The following PPFIBP2 variants were observed in gnomAD, a reference collection of about 807,000 sequenced individuals.
The protein encoded by PPFIBP2 is PPFIB scaffold protein 2.
A neutral mutation model predicts 118.3 loss-of-function variants in PPFIBP2; 118 were observed. The ratio of observed to expected loss-of-function variants is 1.00; its 90% CI spans 0.86 to 1.16. The LOEUF is 1.16. Ranked by LOEUF, PPFIBP2 falls within the 50% of genes most tolerant of loss-of-function variation. The probability of loss-of-function intolerance (pLI) is 0.00; values close to 1 mark genes in which losing one functional copy is unlikely to be tolerated. For missense variants in PPFIBP2, 1,195 were observed against 1,073.1 expected (o/e 1.11, Z -1.59); for synonymous variants, 414 against 397.4 (o/e 1.04, Z -0.50).
In PPFIBP2 at chr11:7,641,536, C is replaced by G; in HGVS notation, c.1433C>G (p.Ser478Ter). ...GTGGTCAATGACCTCTCATCCACATCATCGGGCACTGAATCAGGTCCTCAG... is the reference window on the plus strand; with the variant it reads ...GTGGTCAATGACCTCTCATCCACATGATCGGGCACTGAATCAGGTCCTCAG... Reference protein sequence around the residue: ...TAVVNDLSSTSSGTESGPQSP... With the variant: ...TAVVNDLSST The change falls in exon 16 of 24, where the codon TCA becomes TGA. Residue 478 changes from serine to a stop codon, truncating the protein, a stop_gained. Coordinates refer to ENST00000299492, the MANE Select transcript of PPFIBP2 (RefSeq NM_003621.5). LOFTEE classifies it high-confidence loss of function. 1 of 1,613,640 alleles carries G rather than the reference C, an allele frequency of 6.2e-7. No homozygotes were observed. The highest frequency in any genetic ancestry group is 8.5e-7 in the Non-Finnish European group (1 of 1,179,496).
At chr11:7,543,939 G>A (rs1852033619) in intron 1 of PPFIBP2, among the ~76,000 whole-genome samples, 1 of 152,192 alleles carries the variant, frequency 6.6e-6, no homozygotes. Flanking sequence ...GCTGTGGCAT[G>A]TCATCATACC....
Position 7,651,452 on chromosome 11 carries a change from T to G in PPFIBP2, c.2248-204T>G, listed in dbSNP as rs1590818819. On this transcript the variant is annotated intron_variant, in intron 22 of 23. Transcript: ENST00000299492. ...TCTCTGCTGGTCTGTGAAAACAAGG[T>G]GGTCAGTCAGCACATGTGCTAGTAT... 3 of 498,534 alleles carry G rather than the reference T, an allele frequency of 6.0e-6. No homozygotes were observed. In the East Asian group the frequency reaches 9.1e-5, roughly 15 times the overall value. 30.9% of individuals were successfully genotyped at this position (498,534 alleles called of 1,614,324 possible).
At chr11:7,524,941 C>A (rs1850092979) in intron 1 of PPFIBP2, among the ~76,000 whole-genome samples, 1 of 152,218 alleles carries the variant, frequency 6.6e-6, no homozygotes, top group Non-Finnish European at 1.5e-5. Flanking sequence ...GCCAAGACAT[C>A]TGGTTCTTGG....
chr11:7,554,102 A>G (rs76360610), intron 2 of PPFIBP2, among the ~76,000 whole-genome samples: 1,931 of 152,224 alleles, frequency 0.013, 65 homozygotes, highest in African/African-American at 0.044. Flanking sequence ...TCCTCTCTTT[A>G]TTTATGTTCT....
rs1216117324 is a variant in PPFIBP2 at position 7,549,496 on chromosome 11, T to C, written c.21T>C (p.His7=). 6.4e-7 allele frequency: 1 copy of C among 1,562,982 alleles called. No individual in the cohort carries two copies. The highest frequency in any genetic ancestry group is 1.4e-5 in the African/African-American group (1 of 73,398). ...GAGTCATGGCTTCTGATGCTAGTCATGCGCTGGAAGCTGCCCTGGAGCAAA... is the reference window on the plus strand; with the variant it reads ...GAGTCATGGCTTCTGATGCTAGTCACGCGCTGGAAGCTGCCCTGGAGCAAA... The part of the protein sequence containing the change: MASDAS[H]ALEAALEQMD... The change falls in exon 2 of 24, where the codon CAT becomes CAC. Residue 7 remains histidine, a synonymous_variant. Transcript: ENST00000299492.
chr11:7,571,223 CAAAG>C (rs1385058809), intron 3 of PPFIBP2, among the ~76,000 whole-genome samples: 11 of 152,164 alleles, frequency 7.2e-5, no homozygotes, highest in Admixed American at 2.6e-4. Flanking sequence ...TCCCAAGAAA[CAAAG>C]AAACCCAGAC....
chr11:7,624,872 C>T (rs902572090), intron 7 of PPFIBP2, among the ~76,000 whole-genome samples: 1 of 152,206 alleles, frequency 6.6e-6, no homozygotes, highest in South Asian at 2.1e-4. Flanking sequence ...GAAAGGTTAA[C>T]TTACTTGCTC....
chr11:7,631,041 C>T lies in PPFIBP2; in HGVS notation c.1068+13C>T. 1 of 1,600,782 alleles carries T rather than the reference C, an allele frequency of 6.2e-7. No homozygotes were observed. Among genetic ancestry groups the T allele is most frequent in the Non-Finnish European group, 8.6e-7 (1 of 1,167,940 alleles). On this transcript the variant is annotated intron_variant, in intron 11 of 23. Coordinates refer to ENST00000299492, the MANE Select transcript of PPFIBP2 (RefSeq NM_003621.5). Reference sequence around the variant, plus strand: ...ATTTAAACAAGAGGTACTGTGTTTCCATCCATGACGTAGGGTTTCAGCAGG... The same window carrying T: ...ATTTAAACAAGAGGTACTGTGTTTCTATCCATGACGTAGGGTTTCAGCAGG...
At chr11:7,634,652 G>A (rs1462095780) in intron 13 of PPFIBP2, 100 bp downstream of exon 13, 2 of 897,768 alleles carry the variant, frequency 2.2e-6, no homozygotes, top group African/African-American at 1.7e-5. Flanking sequence ...ACCTTGTAGA[G>A]GATTTTATAA....
chr11:7,656,085 C>G (rs1374983951), downstream of PPFIBP2, among the ~76,000 whole-genome samples: 1 of 152,210 alleles, frequency 6.6e-6, no homozygotes. Flanking sequence ...GGATGTCATT[C>G]TCTCCTGAGC....
intron 1 of PPFIBP2, among the ~76,000 whole-genome samples, chr11:7,540,490 G>A (rs1851666798): frequency 6.6e-6 from 1 of 152,156 alleles, no homozygotes; most frequent in African/African-American, 2.4e-5. Flanking sequence ...GGAAGCATTT[G>A]GGTCCCACCC....
At chr11:7,543,386 G>T (rs138720418) in intron 1 of PPFIBP2, among the ~76,000 whole-genome samples, 4 of 152,352 alleles carry the variant, frequency 2.6e-5, no homozygotes, top group African/African-American at 9.6e-5. Flanking sequence ...TAGGAAAGGA[G>T]TTAGGTTCTG....
chr11:7,628,591 G>C (rs1453474356), intron 9 of PPFIBP2, among the ~76,000 whole-genome samples: 1 of 152,176 alleles, frequency 6.6e-6, no homozygotes, highest in Non-Finnish European at 1.5e-5. Context: ...GCCTGTTCCT[G>C]CTGGTGTGGG....
intron 15 of PPFIBP2, 97 bp from the exon 16 acceptor site, chr11:7,641,382 C>G: frequency 7.3e-7 from 1 of 1,376,340 alleles, no homozygotes; most frequent in South Asian, 1.3e-5. Flanking sequence ...GGCAGATTCT[C>G]TGGACTCCCA....
chr11:7,595,246 G>A (rs905259406), intron 4 of PPFIBP2, among the ~76,000 whole-genome samples: 3 of 152,196 alleles, frequency 2.0e-5, no homozygotes, highest in Non-Finnish European at 2.9e-5. Context: ...AAGGTAGCAA[G>A]GGCCAGATTG....
At chr11:7,553,992 G>A (rs1046699306) in intron 2 of PPFIBP2, among the ~76,000 whole-genome samples, 3 of 152,142 alleles carry the variant, frequency 2.0e-5, no homozygotes, top group Non-Finnish European at 1.5e-5. Flanking sequence ...TCTAAGCAAG[G>A]GTTCCTTTGC....
intron 1 of PPFIBP2, among the ~76,000 whole-genome samples, chr11:7,546,407 C>T (rs1311472136): frequency 1.3e-5 from 2 of 152,226 alleles, no homozygotes; most frequent in Non-Finnish European, 2.9e-5. Flanking sequence ...CACAGGTCCA[C>T]CCAGCTTGCT....
chr11:7,614,928 A>G (rs1477161450), intron 6 of PPFIBP2, among the ~76,000 whole-genome samples: 1 of 152,194 alleles, frequency 6.6e-6, no homozygotes, highest in Non-Finnish European at 1.5e-5. Context: ...AACCTCATAA[A>G]TGCCACCTAG....
chr11:7,593,923 G>A (rs1465537129), intron 4 of PPFIBP2, among the ~76,000 whole-genome samples: 1 of 152,208 alleles, frequency 6.6e-6, no homozygotes, highest in Non-Finnish European at 1.5e-5. Context: ...GATTAAGCAA[G>A]CATTTACTCA....
Sources: allele counts gnomAD v4.1 joint callset (sites outside exome capture counted in the v4.1 genomes callset), GRCh38; gene constraint gnomAD v4.1.1; transcripts MANE v1.5; gene names NCBI Gene and HGNC (gene_info 2026-07-23, HGNC 2026-07-21).